STK32B: variants seen among roughly 807,000 people sequenced by gnomAD.
STK32B encodes serine/threonine kinase 32B, also known as serine/threonine-protein kinase 32B.
Under a neutral mutation model 52.6 loss-of-function variants are expected in STK32B, and 43 were observed. The ratio of observed to expected loss-of-function variants is 0.82; its 90% CI spans 0.64 to 1.05. The LOEUF is 1.05. STK32B is among the 50% of genes least tolerant of loss of function. The pLI, the probability that STK32B is intolerant of heterozygous loss-of-function variation, is 0.00. For missense variants in STK32B, 621 were observed against 534.6 expected, an observed-to-expected ratio of 1.16 and a Z score of -1.59; for synonymous variants, 238 against 204.3, an observed-to-expected ratio of 1.17 and a Z score of -1.41.
chr4:5,249,441 A>ACCTTCCTT lies in STK32B; in HGVS notation c.260+81047_260+81054dup, dbSNP rs149485895. On this transcript the variant is annotated intron_variant, in intron 3 of 11. Transcript: ENST00000282908. ...GTCTGTTCTTCCTTCCTTCCTACCT[A>ACCTTCCTT]CCTTCCTTCCTTCCTTCCTTCCTTC... 3.9e-3 allele frequency among the ~76,000 whole-genome samples: 532 copies of ACCTTCCTT among 137,366 alleles called. 1 individual carries two copies. The highest frequency in any genetic ancestry group is 5.2e-3 in the Non-Finnish European group (327 of 62,930). The allele number at this position is 137,366 out of a possible 152,430, so 90.1% of individuals were successfully genotyped here.
intron 11 of STK32B, among the ~76,000 whole-genome samples, chr4:5,492,361 C>G (rs1719809032): frequency 2.6e-5 from 4 of 152,254 alleles, no homozygotes; most frequent in South Asian, 2.1e-4. Context: ...GGAGTTCACT[C>G]ATGATTTGGC....
chr4:5,432,105 G>A (rs886434164), intron 6 of STK32B, among the ~76,000 whole-genome samples: 9 of 152,178 alleles, frequency 5.9e-5, no homozygotes, highest in East Asian at 1.9e-4. Flanking sequence ...AAGTAAATGC[G>A]TCAATAAGTT....
intron 3 of STK32B, among the ~76,000 whole-genome samples, chr4:5,179,376 C>G (rs1015166052): frequency 9.9e-5 from 15 of 152,102 alleles, no homozygotes; most frequent in African/African-American, 3.6e-4. Flanking sequence ...CACAGCCAAA[C>G]CATATCAGCT....
chr4:5,020,033 G>A, the STK32B span, among the ~76,000 whole-genome samples: 1 of 152,158 alleles, frequency 6.6e-6, no homozygotes, highest in South Asian at 2.1e-4. Context: ...CAGCCTCTCA[G>A]AAGCCGTGTG....
chr4:5,417,917 A>G (rs1474360643), intron 6 of STK32B, among the ~76,000 whole-genome samples: 2 of 152,232 alleles, frequency 1.3e-5, no homozygotes, highest in Admixed American at 6.5e-5. Context: ...AGATGAACAT[A>G]TCATTCTTTC....
intron 3 of STK32B, among the ~76,000 whole-genome samples, chr4:5,249,610 G>A (rs1050694906): frequency 2.0e-5 from 3 of 151,750 alleles, no homozygotes; most frequent in African/African-American, 7.3e-5. Flanking sequence ...AGAACTCATA[G>A]TGAAACATAG....
chr4:5,373,355 G>T (rs1735378121), intron 4 of STK32B, among the ~76,000 whole-genome samples: 1 of 152,196 alleles, frequency 6.6e-6, no homozygotes, highest in African/African-American at 2.4e-5. Flanking sequence ...TGTAGTTTCT[G>T]CCTGAAAGCT....
chr4:5,098,293 G>A (rs367550602), intron 1 of STK32B, among the ~76,000 whole-genome samples: 4 of 152,190 alleles, frequency 2.6e-5, no homozygotes, highest in South Asian at 2.1e-4. Context: ...AAAGGAAACC[G>A]GGAGTTGGGC....
At chr4:5,095,916 T>G (rs1454489244) in intron 1 of STK32B, among the ~76,000 whole-genome samples, 1 of 152,200 alleles carries the variant, frequency 6.6e-6, no homozygotes, top group Non-Finnish European at 1.5e-5. Flanking sequence ...ATTGACAATT[T>G]TGATGTAATA....
chr4:5,455,187 G>T (rs185056378), intron 7 of STK32B, among the ~76,000 whole-genome samples: 1 of 152,192 alleles, frequency 6.6e-6, no homozygotes, highest in African/African-American at 2.4e-5. Context: ...TCACTCCAGG[G>T]AACTGTAGCC....
chr4:5,444,476 C>T (rs1715185212), intron 6 of STK32B, among the ~76,000 whole-genome samples: 1 of 152,190 alleles, frequency 6.6e-6, no homozygotes, highest in Non-Finnish European at 1.5e-5. Context: ...ACTGTGCGCA[C>T]ACCCACTGAC....
the STK32B span, among the ~76,000 whole-genome samples, chr4:5,045,847 T>C: frequency 6.6e-6 from 1 of 152,180 alleles, no homozygotes; most frequent in Non-Finnish European, 1.5e-5. Flanking sequence ...TCATGTCATC[T>C]GCAAGCAGAG....
chr4:5,185,589 C>A (rs796694280), intron 3 of STK32B, among the ~76,000 whole-genome samples: 9 of 152,292 alleles, frequency 5.9e-5, no homozygotes, highest in African/African-American at 2.2e-4. Flanking sequence ...AAACCTTTGA[C>A]AAAGCTTCTC....
intron 3 of STK32B, among the ~76,000 whole-genome samples, chr4:5,234,557 A>T (rs549961944): frequency 6.6e-6 from 1 of 152,360 alleles, no homozygotes; most frequent in East Asian, 1.9e-4. Flanking sequence ...CTCATAAAAT[A>T]ACTATATAGG....
chr4:5,402,797 G>A (rs115324968), intron 5 of STK32B, among the ~76,000 whole-genome samples: 87 of 152,338 alleles, frequency 5.7e-4, no homozygotes, highest in African/African-American at 2.0e-3. Context: ...TCAAGGCCAG[G>A]ACAGAGCAAG....
At chr4:5,322,376 A>T (rs115860884) in intron 3 of STK32B, among the ~76,000 whole-genome samples, 1,734 of 152,210 alleles carry the variant, frequency 0.011, 23 homozygotes, top group South Asian at 0.057. Flanking sequence ...AGGTGAGCAT[A>T]GTGAGTGAGA....
At chr4:5,180,873 G>A (rs889878039) in intron 3 of STK32B, among the ~76,000 whole-genome samples, 2 of 152,170 alleles carry the variant, frequency 1.3e-5, no homozygotes, top group African/African-American at 4.8e-5. Context: ...AGCCTGTGAT[G>A]ACCCAAGTGG....
intron 3 of STK32B, among the ~76,000 whole-genome samples, chr4:5,223,218 G>A (rs1309337777): frequency 6.6e-6 from 1 of 152,194 alleles, no homozygotes; most frequent in African/African-American, 2.4e-5. Context: ...AACAAGCCAT[G>A]GAGGCATTAC....
At chr4:5,496,941 G>T (rs1720315278) in intron 11 of STK32B, among the ~76,000 whole-genome samples, 1 of 152,152 alleles carries the variant, frequency 6.6e-6, no homozygotes. Flanking sequence ...GTTTAGCTTA[G>T]AGAACGATAA....
Sources: gnomAD v4.1 joint callset for allele counts (sites outside exome capture counted in the v4.1 genomes callset) on GRCh38, gnomAD v4.1.1 for gene constraint, MANE v1.5 for transcripts, NCBI Gene and HGNC (gene_info 2026-07-23, HGNC 2026-07-21) for gene names.